PCDHGA6: variants seen among roughly 807,000 people sequenced by gnomAD.
PCDHGA6 encodes the protein protocadherin gamma-A6.
A neutral mutation model predicts 60.6 loss-of-function variants in PCDHGA6; 41 were observed. That is an observed-to-expected ratio of 0.68 (90% CI 0.53 to 0.88). The LOEUF is 0.88. Among genes scored for constraint, PCDHGA6 ranks in the 40% least tolerant of loss-of-function variants. The pLI, the probability that PCDHGA6 is intolerant of heterozygous loss-of-function variation, is 0.00. For synonymous variants in PCDHGA6, 594 were observed against 524.4 expected, an observed-to-expected ratio of 1.13 and a Z score of -1.81; for missense variants, 1,312 against 1,203.0, an observed-to-expected ratio of 1.09 and a Z score of -1.34.
At chr5:141,440,382 C>T (rs898655247) in intron 1 of PCDHGA6, 2 of 152,178 alleles carry the variant, frequency 1.3e-5, no homozygotes, top group Non-Finnish European at 2.9e-5. Context: ...AGGAGAATCG[C>T]TTGAACCCGA....
In PCDHGA6 at chr5:141,486,757, C is replaced by A; in HGVS notation, c.2425-8050C>A. 5 of 1,614,228 alleles carry A rather than the reference C, an allele frequency of 3.1e-6. No homozygotes were observed. Among genetic ancestry groups the A allele is most frequent in the Non-Finnish European group, 4.2e-6 (5 of 1,180,036 alleles). ...CTCGATCCTTTGACTATGAGCAAAC[C>A]CAGACACTGCAGTTTGAGGTGCAGG... On this transcript the variant is annotated intron_variant, in intron 1 of 3. Coordinates refer to ENST00000517434, the MANE Select transcript of PCDHGA6 (RefSeq NM_018919.3). This position sits in a 1 kb window ranked among gnomAD's most constrained non-coding sequence, Gnocchi z 5.0.
At chr5:141,388,278 A>C (rs769879098) in intron 1 of PCDHGA6, 2 of 1,613,384 alleles carry the variant, frequency 1.2e-6, no homozygotes, top group African/African-American at 2.7e-5. Context: ...CCACACGCCA[A>C]AATTCACGCA....
At chr5:141,384,202 GA>G (rs1561601011) in intron 1 of PCDHGA6, 1 of 1,613,852 alleles carries the variant, frequency 6.2e-7, no homozygotes, top group Non-Finnish European at 8.5e-7. Flanking sequence ...CTTGTCCAGG[GA>G]AACTCACATA....
chr5:141,404,995 T>A (rs1561697585), intron 1 of PCDHGA6: 1 of 1,614,008 alleles, frequency 6.2e-7, no homozygotes, highest in Non-Finnish European at 8.5e-7. Context: ...TTCAGATCCC[T>A]GCAGACCTGG....
rs1417059875 is a variant in PCDHGA6 at position 141,496,499 on chromosome 5, G to C, written c.2483+1634G>C. 2.6e-5 allele frequency among the ~76,000 whole-genome samples: 4 copies of C among 152,102 alleles called. No individual in the cohort carries two copies. In the East Asian group the frequency reaches 7.7e-4, roughly 29 times the overall value. On this transcript the variant is annotated intron_variant, in intron 2 of 3. Coordinates refer to ENST00000517434, the MANE Select transcript of PCDHGA6 (RefSeq NM_018919.3). ...TCCTGCAACCAACCAAACCCTTGTT[G>C]CCACAAGGACCCAGGAGCCCTTGGT...
intron 1 of PCDHGA6, chr5:141,400,592 G>A: frequency 3.7e-6 from 6 of 1,603,194 alleles, no homozygotes; most frequent in Non-Finnish European, 5.1e-6. Flanking sequence ...TGAAACTATC[G>A]TACATTTTCA....
intron 2 of PCDHGA6, among the ~76,000 whole-genome samples, chr5:141,502,894 G>C (rs1342496006): frequency 6.8e-6 from 1 of 147,968 alleles, no homozygotes; most frequent in Non-Finnish European, 1.5e-5. Context: ...AGGGAGTCTA[G>C]CTCTGTTGCC....
In PCDHGA6 at chr5:141,485,580, A is replaced by C. The variant is rs761157560; in HGVS notation, c.2425-9227A>C. The C allele has an allele frequency of 6.2e-7, 1 of 1,612,610 alleles. No homozygotes were observed. The highest frequency in any genetic ancestry group is 2.2e-5 in the East Asian group (1 of 44,850). ...GATCACGCCCCCCGTTTTCCGCGGCAGCAGCTGGACTTGGAAATTGGGGAG... is the reference window on the plus strand; with the variant it reads ...GATCACGCCCCCCGTTTTCCGCGGCCGCAGCTGGACTTGGAAATTGGGGAG... On this transcript the variant is annotated intron_variant, in intron 1 of 3. Transcript: ENST00000517434. The surrounding 1 kb of genome is among the most constrained non-coding windows in gnomAD (Gnocchi z 5.7).
intron 1 of PCDHGA6, among the ~76,000 whole-genome samples, chr5:141,458,336 GA>G (rs762646440): frequency 1.3e-5 from 2 of 152,118 alleles, no homozygotes; most frequent in Non-Finnish European, 2.9e-5. Context: ...TGGTTTTAAG[GA>G]GTGGAGAGTT....
rs61612330 is a variant in PCDHGA6 at position 141,454,796 on chromosome 5, A to ATTTTTTTTT, written c.2425-39990_2425-39982dup. Among the ~76,000 whole-genome samples the ATTTTTTTTT allele has an allele frequency of 8.2e-3, 638 of 77,468 alleles. 91 individuals carry two copies. The highest frequency in any genetic ancestry group is 0.025 in the African/African-American group (426 of 16,886). 50.8% of individuals were successfully genotyped at this position (77,468 alleles called of 152,430 possible). On this transcript the variant is annotated intron_variant, in intron 1 of 3. Coordinates refer to ENST00000517434, the MANE Select transcript of PCDHGA6 (RefSeq NM_018919.3). ...AAGGAAATAATCCTCCATGGTTCTA[A>ATTTTTTTTT]TTTTTTTTTTTTTTTTTTTTTTTTT...
chr5:141,409,041 A>G lies in PCDHGA6; in HGVS notation c.2424+32534A>G, dbSNP rs981171621. On this transcript the variant is annotated intron_variant, in intron 1 of 3. Coordinates refer to ENST00000517434, the MANE Select transcript of PCDHGA6 (RefSeq NM_018919.3). ...GGGGTCAATGCTGAGATAAACTACT[A>G]CTTCCGAAGCACTGCCCAGAGCACA... The G allele has an allele frequency of 8.7e-6, 14 of 1,613,864 alleles. No homozygotes were observed. Among genetic ancestry groups the G allele is most frequent in the Non-Finnish European group, 7.6e-6 (9 of 1,179,894 alleles).
chr5:141,418,228 T>C, intron 1 of PCDHGA6: 2 of 1,613,990 alleles, frequency 1.2e-6, no homozygotes, highest in Non-Finnish European at 1.7e-6. Context: ...TTGTGGTGAT[T>C]GAGGATGTTA....
chr5:141,484,512 G>A (rs1178383152), intron 1 of PCDHGA6, among the ~76,000 whole-genome samples: 47 of 152,196 alleles, frequency 3.1e-4, no homozygotes, highest in Non-Finnish European at 4.0e-4. Context: ...TTCTGCAGAA[G>A]GGCAGAGTTT....
chr5:141,418,848 G>T (rs770294020), intron 1 of PCDHGA6: 1 of 1,613,954 alleles, frequency 6.2e-7, no homozygotes, highest in Non-Finnish European at 8.5e-7. Flanking sequence ...CTCTCAACAC[G>T]GTGTAAAGTA....
intron 1 of PCDHGA6, chr5:141,423,333 C>T (rs761192305): frequency 3.1e-6 from 5 of 1,614,184 alleles, no homozygotes; most frequent in Non-Finnish European, 4.2e-6. Context: ...CCGCAGTCTC[C>T]TGCATCTTCC....
intron 1 of PCDHGA6, chr5:141,392,542 A>T: frequency 3.1e-6 from 1 of 323,438 alleles, no homozygotes; most frequent in South Asian, 1.2e-4. Flanking sequence ...ATTTAGAAGT[A>T]ATCTGTATCT....
chr5:141,418,323 A>G, intron 1 of PCDHGA6: 2 of 1,614,004 alleles, frequency 1.2e-6, no homozygotes, highest in Non-Finnish European at 1.7e-6. Flanking sequence ...ACAATTCTTG[A>G]GTCTGCAGAA....
At chr5:141,478,117 C>T (rs1419172538) in intron 1 of PCDHGA6, 2 of 1,614,058 alleles carry the variant, frequency 1.2e-6, no homozygotes, top group East Asian at 4.5e-5. Flanking sequence ...TGTCAGTAAC[C>T]GAGGACTCTC....
rs777856819 is a variant in PCDHGA6, at chr5:141,487,572, T to A, written c.2425-7235T>A. On this transcript the variant is annotated intron_variant, in intron 1 of 3. Coordinates refer to ENST00000517434, the MANE Select transcript of PCDHGA6 (RefSeq NM_018919.3). The surrounding 1 kb of genome is among the most constrained non-coding windows in gnomAD (Gnocchi z 5.0). ...AGTGCACCTATGGCAGGGGAGCCTG[T>A]TCGCCCAAGCTGCCCACCCTCTGAT... 1 of 1,614,168 alleles carries A rather than the reference T, an allele frequency of 6.2e-7. No individual in the cohort carries two copies. Among genetic ancestry groups the A allele is most frequent in the Non-Finnish European group, 8.5e-7 (1 of 1,180,034 alleles).
Sources: gnomAD v4.1 joint callset for allele counts (sites outside exome capture counted in the v4.1 genomes callset) on GRCh38, gnomAD v4.1.1 for gene constraint, Gnocchi (gnomAD v3.1) non-coding constraint, MANE v1.5 for transcripts, NCBI Gene and HGNC (gene_info 2026-07-23, HGNC 2026-07-21) for gene names.